ZFHX3: variants seen among roughly 807,000 people sequenced by gnomAD.
The protein encoded by ZFHX3 is zinc finger homeobox 3.
A neutral mutation model predicts 279.1 loss-of-function variants in ZFHX3; 42 were observed. The observed-to-expected ratio is 0.15, with a 90% CI of 0.12 to 0.19. The LOEUF (loss-of-function observed/expected upper bound fraction) is 0.19, where lower values mean the gene tolerates loss of function less well. Among genes scored for constraint, ZFHX3 ranks in the 10% least tolerant of loss-of-function variants. The probability of loss-of-function intolerance (pLI) is 1.00; values close to 1 mark genes in which losing one functional copy is unlikely to be tolerated. For missense variants in ZFHX3, 4,981 were observed against 4,754.0 expected, an observed-to-expected ratio of 1.05 and a Z score of -1.40; for synonymous variants, 2,293 against 1,957.8, an observed-to-expected ratio of 1.17 and a Z score of -4.52.
chr16:73,029,459 G>T (rs1456787265), intron 1 of ZFHX3, among the ~76,000 whole-genome samples: 1 of 152,206 alleles, frequency 6.6e-6, no homozygotes. Flanking sequence ...GAGACCTCAG[G>T]ACTGGATATT....
chr16:73,226,402 C>T (rs1328753767), intron 5 of ZFHX3, among the ~76,000 whole-genome samples: 2 of 152,204 alleles, frequency 1.3e-5, no homozygotes, highest in Non-Finnish European at 2.9e-5. Context: ...ATGTTTAAAG[C>T]GCATGCTATT....
At chr16:73,409,431 C>T (rs940636466) in intron 3 of ZFHX3, among the ~76,000 whole-genome samples, 2 of 152,160 alleles carry the variant, frequency 1.3e-5, no homozygotes, top group East Asian at 3.9e-4. Flanking sequence ...TTTCATGCCC[C>T]AGTTATAACA....
intron 5 of ZFHX3, among the ~76,000 whole-genome samples, chr16:72,812,897 T>C (rs895498099): frequency 1.1e-4 from 17 of 152,302 alleles, no homozygotes; most frequent in African/African-American, 4.1e-4. Flanking sequence ...AAACATTTCT[T>C]TATCTTCTCT....
intron 4 of ZFHX3, among the ~76,000 whole-genome samples, chr16:73,280,127 G>A (rs1213778143): frequency 6.6e-6 from 1 of 151,996 alleles, no homozygotes; most frequent in Non-Finnish European, 1.5e-5. Flanking sequence ...AACTCAAAAT[G>A]GATTAAAGAC....
At chr16:73,629,447 C>G (rs1284563992) in intron 2 of ZFHX3, among the ~76,000 whole-genome samples, 2 of 152,052 alleles carry the variant, frequency 1.3e-5, no homozygotes, top group African/African-American at 4.8e-5. Context: ...AATGCAACCT[C>G]TACACCCAAA....
intron 1 of ZFHX3, among the ~76,000 whole-genome samples, chr16:73,694,364 G>C (rs12935778): frequency 0.54 from 81,979 of 151,766 alleles, 23,408 homozygotes; most frequent in East Asian, 0.76. Context: ...ATTTTTTTGA[G>C]ATGGAGTCTT....
chr16:73,019,713 G>C (rs561451831), intron 1 of ZFHX3, among the ~76,000 whole-genome samples: 13 of 152,150 alleles, frequency 8.5e-5, no homozygotes, highest in African/African-American at 3.1e-4. Flanking sequence ...CCCTGAGCCC[G>C]TTCCTAGAGA....
At position 73,308,242 on chromosome 16, in the gene ZFHX3, TA is replaced by T. The variant is rs1567446188; in HGVS notation, c.-1194+9997del. ...ATGCATGCATATATATATATATATA[TA>T]TATATATATATATATATATATATAT... On this transcript the variant is annotated intron_variant, in intron 4 of 17. Coordinates refer to the ZFHX3 transcript ENST00000641206. 5.3e-4 allele frequency among the ~76,000 whole-genome samples: 8 copies of T among 15,076 alleles called. 1 individual carries two copies. The highest frequency in any genetic ancestry group is 1.3e-3 in the African/African-American group (7 of 5,480). The allele number at this position is 15,076 out of a possible 152,430, so 9.9% of individuals were successfully genotyped here.
At chr16:72,953,849 G>A (rs1244089523) in intron 2 of ZFHX3, among the ~76,000 whole-genome samples, 1 of 152,200 alleles carries the variant, frequency 6.6e-6, no homozygotes, top group African/African-American at 2.4e-5. Flanking sequence ...TTACAGGCAT[G>A]AGCCACCATG....
At chr16:72,904,702 G>T (rs150821613) in intron 3 of ZFHX3, among the ~76,000 whole-genome samples, 2 of 152,054 alleles carry the variant, frequency 1.3e-5, no homozygotes, top group Non-Finnish European at 2.9e-5. Context: ...CATCTCCTAC[G>T]GCAGGCTGGT....
chr16:73,398,468 G>A (rs1301743118), intron 3 of ZFHX3, among the ~76,000 whole-genome samples: 8 of 152,266 alleles, frequency 5.3e-5, no homozygotes, highest in South Asian at 2.1e-4. Context: ...TGCTGGTGCC[G>A]GCCTGCACTG....
chr16:73,839,443 G>A (rs994744451), intron 1 of ZFHX3, among the ~76,000 whole-genome samples: 4 of 148,518 alleles, frequency 2.7e-5, no homozygotes, highest in African/African-American at 1.0e-4. Flanking sequence ...TTTCAAAAGG[G>A]AATATGAGCA....
intron 1 of ZFHX3, among the ~76,000 whole-genome samples, chr16:73,693,465 T>C (rs566086248): frequency 6.6e-6 from 1 of 152,226 alleles, no homozygotes; most frequent in African/African-American, 2.4e-5. Flanking sequence ...GCGTTTGAGC[T>C]GCACCGAGAA....
chr16:73,192,726 T>C (rs1386564355), intron 5 of ZFHX3, among the ~76,000 whole-genome samples: 3 of 152,230 alleles, frequency 2.0e-5, no homozygotes, highest in Non-Finnish European at 2.9e-5. Flanking sequence ...TCGTTAATTT[T>C]AACCTCATGC....
At chr16:72,960,273 C>G (rs1961511836) in intron 1 of ZFHX3, 79 bp from the exon 2 acceptor site, 19 of 1,200,350 alleles carry the variant, frequency 1.6e-5, no homozygotes, top group African/African-American at 3.1e-5. Flanking sequence ...AGGGCCGAGG[C>G]TGAGGTCCTA....
In ZFHX3 at chr16:72,957,851, G is replaced by C. The variant is rs376233920; in HGVS notation, c.2295C>G (p.Val765=). 1 of 1,613,706 alleles carries C rather than the reference G, an allele frequency of 6.2e-7. No individual in the cohort carries two copies. The highest frequency in any genetic ancestry group is 1.3e-5 in the African/African-American group (1 of 74,932). ...CCGCCGCCCCGGCAGTGTGGCTGAA[G>C]ACCTGCTCCCCCCCTCCATTCTGCA... ...QNLQNGGGEQ[V]FSHTAGAAAA... The change falls in exon 2 of 10, where the codon GTC becomes GTG. Residue 765 remains valine (V), a synonymous_variant. Coordinates refer to ENST00000268489, the MANE Select transcript of ZFHX3 (RefSeq NM_006885.4).
At chr16:73,341,064 C>G (rs762366640) in intron 3 of ZFHX3, among the ~76,000 whole-genome samples, 1 of 152,110 alleles carries the variant, frequency 6.6e-6, no homozygotes. Flanking sequence ...TTGAGGGAGC[C>G]GGATGCGGTG....
chr16:72,865,943 C>G (rs553957628), intron 4 of ZFHX3, among the ~76,000 whole-genome samples: 3 of 152,172 alleles, frequency 2.0e-5, no homozygotes, highest in African/African-American at 4.8e-5. Context: ...CGGGACAGCC[C>G]TAAGTGGGAA....
intron 1 of ZFHX3, among the ~76,000 whole-genome samples, chr16:73,054,999 T>C (rs1165447633): frequency 6.6e-6 from 1 of 151,376 alleles, no homozygotes; most frequent in Non-Finnish European, 1.5e-5. Flanking sequence ...AGCAGACGAA[T>C]TGGAAAGGGG....
Sources: gnomAD v4.1 joint callset for allele counts (sites outside exome capture counted in the v4.1 genomes callset) on GRCh38, gnomAD v4.1.1 for gene constraint, MANE v1.5 for transcripts, NCBI Gene and HGNC (gene_info 2026-07-23, HGNC 2026-07-21) for gene names.